Variants in SH3KBP1 observed in about 807,000 individuals in gnomAD.
SH3KBP1 encodes SH3 domain-containing kinase-binding protein 1.
SH3KBP1 carries 8 observed loss-of-function variants against 50.1 expected under a neutral mutation model. The ratio of observed to expected loss-of-function variants is 0.16; its 90% CI spans 0.09 to 0.29. SH3KBP1 has a LOEUF of 0.29. Among genes scored for constraint, SH3KBP1 ranks in the 10% least tolerant of loss-of-function variants. The pLI, the probability that SH3KBP1 is intolerant of heterozygous loss-of-function variation, is 1.00. For synonymous variants in SH3KBP1, 227 were observed against 218.6 expected, an observed-to-expected ratio of 1.04 and a Z score of -0.34; for missense variants, 377 against 535.2, an observed-to-expected ratio of 0.70 and a Z score of 2.92.
chrX:19,626,383 TATGAATGAATGA>T (rs72140292), intron 8 of SH3KBP1, among the ~76,000 whole-genome samples: 15 of 108,326 alleles, frequency 1.4e-4, no homozygotes, highest in Admixed American at 8.9e-4. Context: ...TTCTTCGATG[TATGAATGAATGA>T]ATGAATGAAT....
chrX:19,861,847 GTTC>G (rs1304956726), intron 1 of SH3KBP1, among the ~76,000 whole-genome samples: 4 of 112,037 alleles, frequency 3.6e-5, no homozygotes, highest in East Asian at 2.8e-4. Flanking sequence ...GTTCCTGGAT[GTTC>G]TTCTGCTCAT....
intron 6 of SH3KBP1, among the ~76,000 whole-genome samples, chrX:19,663,257 T>G (rs1353645982): frequency 8.9e-6 from 1 of 111,993 alleles, no homozygotes; most frequent in Non-Finnish European, 1.9e-5. Context: ...AATCACCTAT[T>G]TTAATCACGT....
chrX:19,565,181 C>A (rs2065807583), intron 13 of SH3KBP1, among the ~76,000 whole-genome samples: 2 of 106,598 alleles, frequency 1.9e-5, no homozygotes, highest in African/African-American at 6.9e-5. Context: ...CCTGCCTCAG[C>A]CTCCCAAGTA....
At chrX:19,802,372 T>G (rs929705417) in intron 2 of SH3KBP1, among the ~76,000 whole-genome samples, 12 of 110,219 alleles carry the variant, frequency 1.1e-4, no homozygotes, top group Middle Eastern at 4.7e-3. Context: ...TCCAAAATAT[T>G]AAAATAAAAT....
At chrX:19,726,252 T>C (rs2064219083) in intron 3 of SH3KBP1, among the ~76,000 whole-genome samples, 1 of 111,510 alleles carries the variant, frequency 9.0e-6, no homozygotes, top group Non-Finnish European at 1.9e-5. Flanking sequence ...AGAGGCGGCA[T>C]GGAGGAAGGC....
At chrX:19,824,534 C>T (rs2067619259) in intron 2 of SH3KBP1, among the ~76,000 whole-genome samples, 1 of 111,618 alleles carries the variant, frequency 9.0e-6, no homozygotes, top group Non-Finnish European at 1.9e-5. Context: ...TAGAGACACA[C>T]TGACATGGAG....
chrX:19,635,553 G>GA (rs922067536), intron 7 of SH3KBP1, among the ~76,000 whole-genome samples: 2 of 107,173 alleles, frequency 1.9e-5, no homozygotes, highest in Admixed American at 2.0e-4. Context: ...TTAGAAGAAA[G>GA]AAAAAAAATA....
At chrX:19,638,489 T>C (rs2061771976) in intron 7 of SH3KBP1, among the ~76,000 whole-genome samples, 1 of 109,908 alleles carries the variant, frequency 9.1e-6, no homozygotes, top group Non-Finnish European at 1.9e-5. Flanking sequence ...GGTGGAGAGC[T>C]TGTAAAAATA....
intron 6 of SH3KBP1, among the ~76,000 whole-genome samples, chrX:19,678,920 T>A (rs762182262): frequency 8.9e-6 from 1 of 111,930 alleles, no homozygotes; most frequent in African/African-American, 3.2e-5. Flanking sequence ...CTCACAAGAC[T>A]CTTCATGATC....
chrX:19,536,212 T>C lies in SH3KBP1; in HGVS notation c.*205A>G. ...TTTGCTCTGTGTAAGTCACAACGAG[T>C]GCCAGCCCCAGGACTAAACCCTGGG... is the stretch of plus-strand genomic sequence containing the variant. On this transcript the variant is annotated 3_prime_UTR_variant, in exon 18 of 18. Transcript: ENST00000397821. The C allele has an allele frequency of 3.0e-6, 1 of 337,269 alleles. No individual in the cohort carries two copies. Among genetic ancestry groups the C allele is most frequent in the Non-Finnish European group, 5.3e-6 (1 of 188,204 alleles). 27.8% of individuals were successfully genotyped at this position (337,269 alleles called of 1,213,427 possible).
chrX:19,765,547 AT>A (rs913369867), intron 2 of SH3KBP1, among the ~76,000 whole-genome samples: 1 of 111,574 alleles, frequency 9.0e-6, no homozygotes, highest in African/African-American at 3.3e-5. Flanking sequence ...TTTAAAAAAA[AT>A]TTTTTTTAAT....
chrX:19,806,275 G>C (rs1452358105), intron 2 of SH3KBP1, among the ~76,000 whole-genome samples: 1 of 111,747 alleles, frequency 8.9e-6, no homozygotes, highest in Non-Finnish European at 1.9e-5. Context: ...CCAGCACTTT[G>C]GGAGGCTGAG....
chrX:19,601,952 G>A (rs986639574), intron 9 of SH3KBP1, among the ~76,000 whole-genome samples: 1 of 110,984 alleles, frequency 9.0e-6, no homozygotes, highest in Admixed American at 9.6e-5. Context: ...CTGGCCTAGT[G>A]GTCTACATCC....
At chrX:19,842,061 C>T (rs963794141) in intron 1 of SH3KBP1, among the ~76,000 whole-genome samples, 1 of 110,631 alleles carries the variant, frequency 9.0e-6, no homozygotes, top group Non-Finnish European at 1.9e-5. Flanking sequence ...TGCCTAGGGC[C>T]GGGGATGGGA....
intron 7 of SH3KBP1, among the ~76,000 whole-genome samples, chrX:19,637,003 A>G (rs2061720325): frequency 1.8e-5 from 2 of 112,535 alleles, no homozygotes; most frequent in African/African-American, 6.5e-5. Flanking sequence ...CGCACATCAT[A>G]ATCAGAAATT....
At chrX:19,582,679 A>T (rs1490414298) in intron 12 of SH3KBP1, among the ~76,000 whole-genome samples, 6 of 110,445 alleles carry the variant, frequency 5.4e-5, no homozygotes, top group African/African-American at 2.0e-4. Context: ...TTCATCCCAG[A>T]CCTTCTCCCC....
intron 5 of SH3KBP1, among the ~76,000 whole-genome samples, chrX:19,688,370 A>G (rs190544676): frequency 6.5e-4 from 73 of 111,942 alleles, no homozygotes; most frequent in African/African-American, 2.2e-3. Context: ...AGAAAACCCT[A>G]TTTCTCAAAA....
At chrX:19,560,219 C>CA (rs149420282) in intron 13 of SH3KBP1, among the ~76,000 whole-genome samples, 30,035 of 102,012 alleles carry the variant, frequency 0.29, 4,149 homozygotes, top group African/African-American at 0.52. Context: ...ATCATTAAGC[C>CA]AAAAAAAAAA....
intron 9 of SH3KBP1, among the ~76,000 whole-genome samples, chrX:19,597,078 GA>G (rs1443879536): frequency 2.7e-5 from 3 of 109,378 alleles, no homozygotes; most frequent in African/African-American, 6.6e-5. Flanking sequence ...TCCATCAGAG[GA>G]ATCACTATCT....
Sources: allele counts gnomAD v4.1 joint callset (sites outside exome capture counted in the v4.1 genomes callset), GRCh38; gene constraint gnomAD v4.1.1; transcripts MANE v1.5; gene names NCBI Gene and HGNC (gene_info 2026-07-23, HGNC 2026-07-21).